FAT3: variants seen among roughly 807,000 people sequenced by gnomAD.
The protein encoded by FAT3 is FAT atypical cadherin 3.
A neutral mutation model predicts 310.2 loss-of-function variants in FAT3; 95 were observed. The ratio of observed to expected loss-of-function variants is 0.31; its 90% CI spans 0.26 to 0.36. The LOEUF is 0.36. FAT3 is among the 10% of genes least tolerant of loss of function. FAT3 has a pLI of 1.00. For missense variants in FAT3, 5,408 were observed against 5,715.6 expected, an observed-to-expected ratio of 0.95 and a Z score of 1.74; for synonymous variants, 2,314 against 2,192.9, an observed-to-expected ratio of 1.06 and a Z score of -1.54.
intron 2 of FAT3, among the ~76,000 whole-genome samples, chr11:92,473,761 T>C (rs1421823336): frequency 1.3e-5 from 2 of 152,204 alleles, no homozygotes; most frequent in African/African-American, 2.4e-5. Flanking sequence ...GAAAAAGACC[T>C]TGTGTACACA....
Position 92,890,902 on chromosome 11 carries a change from G to A in FAT3, c.13559G>A (p.Ser4520Asn), listed in dbSNP as rs1168977527. Residue 4520 changes from serine to asparagine, a missense_variant, in exon 28 of 28, where the codon AGC becomes AAC. Transcript: ENST00000525166. ...TGTGAATTTAGTACTTTTGCTGTGA[G>A]CATGAACCAGGGCACAGAGCCCACA... ...ASCEFSTFAV[S>N]MNQGTEPTGP... The A allele has an allele frequency of 6.2e-7, 1 of 1,614,024 alleles. No homozygotes were observed. Among genetic ancestry groups the A allele is most frequent in the Admixed American group, 1.7e-5 (1 of 60,016 alleles).
At chr11:92,830,381 T>A (rs1180737122) in intron 13 of FAT3, among the ~76,000 whole-genome samples, 5 of 152,214 alleles carry the variant, frequency 3.3e-5, no homozygotes. Context: ...AAAATGGTAT[T>A]TTGGTAACTA....
chr11:92,444,705 CA>C (rs1418092958), intron 2 of FAT3, among the ~76,000 whole-genome samples: 1 of 149,840 alleles, frequency 6.7e-6, no homozygotes, highest in African/African-American at 2.5e-5. Context: ...CTTAGAAGCA[CA>C]CTAATTTTTA....
intron 13 of FAT3, among the ~76,000 whole-genome samples, chr11:92,815,922 TCC>T (rs2136224682): frequency 6.6e-6 from 1 of 152,320 alleles, no homozygotes; most frequent in East Asian, 1.9e-4. Flanking sequence ...ACAACAAGAT[TCC>T]AAGAAAACAA....
At chr11:92,845,816 C>T (rs551209389) in intron 19 of FAT3, among the ~76,000 whole-genome samples, 3 of 152,144 alleles carry the variant, frequency 2.0e-5, no homozygotes, top group Non-Finnish European at 4.4e-5. Context: ...GCAGAAAGTT[C>T]TTGGTTGCAG....
chr11:92,542,424 G>A (rs557713415), intron 3 of FAT3, among the ~76,000 whole-genome samples: 68 of 151,804 alleles, frequency 4.5e-4, no homozygotes, highest in Admixed American at 5.3e-4. Context: ...ATATTTGTAA[G>A]CTATGCATCT....
chr11:92,874,341 T>C (rs186184037), intron 22 of FAT3, among the ~76,000 whole-genome samples: 126 of 152,328 alleles, frequency 8.3e-4, no homozygotes, highest in African/African-American at 3.0e-3. Flanking sequence ...TTAATGATGA[T>C]TGGATTCCCA....
intron 3 of FAT3, among the ~76,000 whole-genome samples, chr11:92,557,507 C>T (rs1490269638): frequency 6.6e-6 from 1 of 152,278 alleles, no homozygotes; most frequent in African/African-American, 2.4e-5. Flanking sequence ...GACCAACTCT[C>T]AAGCCAGAAG....
chr11:92,779,757 G>T (rs1396055808), intron 7 of FAT3, among the ~76,000 whole-genome samples: 1 of 152,108 alleles, frequency 6.6e-6, no homozygotes, highest in Non-Finnish European at 1.5e-5. Flanking sequence ...ACACAGAGAG[G>T]ATCCTGGAGT....
At chr11:92,483,825 A>G (rs1952301158) in intron 2 of FAT3, among the ~76,000 whole-genome samples, 1 of 152,210 alleles carries the variant, frequency 6.6e-6, no homozygotes. Context: ...CATTTATTGC[A>G]TTTATGTATT....
chr11:92,685,651 A>ATTGATGCCCTTCATATGTTT (rs1188640834), intron 3 of FAT3, among the ~76,000 whole-genome samples: 3 of 151,226 alleles, frequency 2.0e-5, no homozygotes, highest in African/African-American at 7.3e-5. Context: ...ACCAATATTT[A>ATTGATGCCCTTCATATGTTT]TTGATGCCCT....
rs542523481 is a variant in FAT3, at chr11:92,575,420, G to A, written c.3607+50472G>A. ...ATATGAGTGTTAGTTAAATGTATAA[G>A]ATGAATCAAATTTGTATTAAAATTA... is the stretch of plus-strand genomic sequence containing the variant. On this transcript the variant is annotated intron_variant, in intron 3 of 27. Transcript: ENST00000525166. 3.9e-5 allele frequency among the ~76,000 whole-genome samples: 6 copies of A among 152,268 alleles called. No individual in the cohort carries two copies. In the South Asian group the frequency reaches 1.0e-3, roughly 26 times the overall value.
Position 92,462,907 on chromosome 11 carries a change from G to T in FAT3, c.3293-61727G>T, listed in dbSNP as rs140673674. Reference sequence around the variant, plus strand: ...TCTCAGAGAGAAATCTCACTTTCCTGCAGTCAACTCTGTTGCCCATTGGCA... The same window carrying T: ...TCTCAGAGAGAAATCTCACTTTCCTTCAGTCAACTCTGTTGCCCATTGGCA... On this transcript the variant is annotated intron_variant, in intron 2 of 27. Transcript: ENST00000525166. 2.0e-5 allele frequency among the ~76,000 whole-genome samples: 3 copies of T among 152,322 alleles called. No homozygotes were observed. The East Asian group carries it at 5.8e-4, about 29-fold the overall frequency.
intron 13 of FAT3, among the ~76,000 whole-genome samples, chr11:92,829,998 GA>G (rs113257842): frequency 0.015 from 2,249 of 149,074 alleles, 52 homozygotes; most frequent in African/African-American, 0.049. Context: ...GTTATAATAA[GA>G]AAAAAAAAAT....
chr11:92,645,310 A>G (rs1424240449), intron 3 of FAT3, among the ~76,000 whole-genome samples: 1 of 152,234 alleles, frequency 6.6e-6, no homozygotes, highest in Admixed American at 6.5e-5. Flanking sequence ...TTATCAGCTT[A>G]CAACACTAAT....
At chr11:92,498,281 CT>C in intron 2 of FAT3, 1 of 232,648 alleles carries the variant, frequency 4.3e-6, no homozygotes. Context: ...ACTTGGGCTT[CT>C]TCAGCATTTT....
chr11:92,262,956 C>G (rs1865618673), intron 1 of FAT3, among the ~76,000 whole-genome samples: 1 of 151,980 alleles, frequency 6.6e-6, no homozygotes, highest in African/African-American at 2.4e-5. Flanking sequence ...CTCTTTAGCC[C>G]CGGTTCCCTC....
intron 1 of FAT3, among the ~76,000 whole-genome samples, chr11:92,230,690 A>G (rs1471818721): frequency 2.0e-5 from 3 of 152,236 alleles, no homozygotes; most frequent in Middle Eastern, 3.2e-3. Flanking sequence ...GATTCAAAGA[A>G]TAGTAAAATA....
At chr11:92,709,773 G>T (rs1944465432) in intron 4 of FAT3, among the ~76,000 whole-genome samples, 1 of 152,228 alleles carries the variant, frequency 6.6e-6, no homozygotes, top group Admixed American at 6.5e-5. Flanking sequence ...GGTGCCAGCT[G>T]ATATGCAGAA....
Sources: gnomAD v4.1 joint callset for allele counts (sites outside exome capture counted in the v4.1 genomes callset) on GRCh38, gnomAD v4.1.1 for gene constraint, MANE v1.5 for transcripts, NCBI Gene and HGNC (gene_info 2026-07-23, HGNC 2026-07-21) for gene names.